Variants in ULK4 observed in about 807,000 individuals in gnomAD.
ULK4 encodes the protein inactive serine/threonine-protein kinase ULK4.
In ULK4, 133 loss-of-function variants were observed where a neutral mutation model predicts 160.6. The observed-to-expected ratio is 0.83, with a 90% CI of 0.72 to 0.96. ULK4 has a LOEUF of 0.96. Among genes scored for constraint, ULK4 ranks in the 40% least tolerant of loss-of-function variants. The pLI is 0.00. For synonymous variants in ULK4, 534 were observed against 539.8 expected (o/e 0.99, Z 0.15); for missense variants, 1,580 against 1,499.5 (o/e 1.05, Z -0.89).
chr3:41,931,455 A>C (rs1231756887), intron 5 of ULK4, among the ~76,000 whole-genome samples: 3 of 129,284 alleles, frequency 2.3e-5, no homozygotes, highest in African/African-American at 8.6e-5. Context: ...TGTTCTGCAC[A>C]TGTACCCTAG....
chr3:41,900,699 TCAGTTGTTAGAGTGTCTTTCTG>T lies in ULK4; in HGVS notation c.1287+4_1287+25del. 6.4e-7 allele frequency: 1 copy of T among 1,563,092 alleles called. No homozygotes were observed. Among genetic ancestry groups the T allele is most frequent in the South Asian group, 1.1e-5 (1 of 89,120 alleles). ...TTCAGATCTCAGTAAAGTCTACAAC[TCAGTTGTTAGAGTGTCTTTCTG>T]CACCTTTGGATTGTCGATAATGGGG... On this transcript the variant is annotated splice_donor_5th_base_variant and intron_variant, in intron 13 of 36. Coordinates refer to ENST00000301831, the MANE Select transcript of ULK4 (RefSeq NM_017886.4).
chr3:41,745,555 A>C (rs2038392915), intron 22 of ULK4, among the ~76,000 whole-genome samples: 1 of 151,710 alleles, frequency 6.6e-6, no homozygotes, highest in South Asian at 2.1e-4. Flanking sequence ...TTCACTAGAG[A>C]ATTCTACAAA....
chr3:41,715,583 C>G lies in ULK4; in HGVS notation c.2456-15G>C. 6.2e-7 allele frequency: 1 copy of G among 1,613,968 alleles called. No individual in the cohort carries two copies. Among genetic ancestry groups the G allele is most frequent in the Non-Finnish European group, 8.5e-7 (1 of 1,179,986 alleles). The stretch of plus-strand genomic sequence containing the variant: ...AAGAATGTCACCTGTGAAGCACAGC[C>G]CAGAGCATATGTGGAGGTTAAAAAC... On this transcript the variant is annotated splice_polypyrimidine_tract_variant and intron_variant, in intron 23 of 36. Transcript: ENST00000301831.
At chr3:41,878,537 T>C (rs566820821) in intron 17 of ULK4, among the ~76,000 whole-genome samples, 3 of 152,194 alleles carry the variant, frequency 2.0e-5, no homozygotes, top group Non-Finnish European at 4.4e-5. Flanking sequence ...GATAACCAAA[T>C]AGTTGATCAG....
At chr3:41,864,515 G>A (rs1336186715) in intron 17 of ULK4, among the ~76,000 whole-genome samples, 1 of 152,084 alleles carries the variant, frequency 6.6e-6, no homozygotes, top group Non-Finnish European at 1.5e-5. Flanking sequence ...TTGCAGGAGG[G>A]ATGATAGGTG....
chr3:41,946,525 C>A (rs1397625119), intron 2 of ULK4, among the ~76,000 whole-genome samples: 1 of 152,134 alleles, frequency 6.6e-6, no homozygotes, highest in African/African-American at 2.4e-5. Flanking sequence ...GCCTTAAGAC[C>A]CCAAAGATCC....
intron 21 of ULK4, among the ~76,000 whole-genome samples, chr3:41,760,224 C>T (rs1296801553): frequency 3.3e-5 from 5 of 152,040 alleles, no homozygotes; most frequent in Non-Finnish European, 5.9e-5. Flanking sequence ...TAAAATCATA[C>T]TGAGATATAA....
At chr3:41,666,190 A>G (rs1314998346) in intron 29 of ULK4, among the ~76,000 whole-genome samples, 1 of 152,188 alleles carries the variant, frequency 6.6e-6, no homozygotes, top group Non-Finnish European at 1.5e-5. Flanking sequence ...CACTTGTGGA[A>G]CTGACCTTAG....
intron 32 of ULK4, among the ~76,000 whole-genome samples, chr3:41,557,310 T>C (rs750395023): frequency 6.6e-6 from 1 of 151,962 alleles, no homozygotes; most frequent in Non-Finnish European, 1.5e-5. Context: ...AGGGGAAAAG[T>C]AGCATCATAA....
intron 32 of ULK4, among the ~76,000 whole-genome samples, chr3:41,548,943 C>T (rs1052155214): frequency 6.6e-6 from 1 of 152,152 alleles, no homozygotes; most frequent in African/African-American, 2.4e-5. Context: ...ATGCTGACTG[C>T]AGCCAAAGAA....
At chr3:41,730,488 C>CAACT in intron 22 of ULK4, among the ~76,000 whole-genome samples, 2 of 152,138 alleles carry the variant, frequency 1.3e-5, no homozygotes, top group Middle Eastern at 6.8e-3. Flanking sequence ...CTATTATGAA[C>CAACT]AACTATACAC....
At chr3:41,814,162 G>A (rs2040897560) in intron 19 of ULK4, among the ~76,000 whole-genome samples, 1 of 152,182 alleles carries the variant, frequency 6.6e-6, no homozygotes, top group South Asian at 2.1e-4. Context: ...TTTGACATGT[G>A]AGAACTGATG....
chr3:41,558,388 T>A (rs549575418), intron 32 of ULK4, among the ~76,000 whole-genome samples: 1 of 152,064 alleles, frequency 6.6e-6, no homozygotes, highest in Non-Finnish European at 1.5e-5. Flanking sequence ...ATTACCAGCA[T>A]TGAAATATAA....
At chr3:41,952,028 C>T (rs1478547160) in intron 2 of ULK4, among the ~76,000 whole-genome samples, 2 of 152,118 alleles carry the variant, frequency 1.3e-5, no homozygotes, top group African/African-American at 2.4e-5. Flanking sequence ...GAGACATTTA[C>T]GGAACACCAC....
chr3:41,747,966 C>G (rs2038474350), intron 22 of ULK4, among the ~76,000 whole-genome samples: 1 of 152,054 alleles, frequency 6.6e-6, no homozygotes, highest in South Asian at 2.1e-4. Flanking sequence ...CTATGAAATA[C>G]ATACTTTCTT....
chr3:41,694,281 T>C (rs140180411), intron 27 of ULK4, among the ~76,000 whole-genome samples: 133 of 152,318 alleles, frequency 8.7e-4, no homozygotes, highest in African/African-American at 3.0e-3. Context: ...TAAGTACGTA[T>C]AGCCGTCCCT....
At chr3:41,732,966 A>T (rs898364149) in intron 22 of ULK4, among the ~76,000 whole-genome samples, 1 of 152,094 alleles carries the variant, frequency 6.6e-6, no homozygotes, top group African/African-American at 2.4e-5. Flanking sequence ...AAGGGCAGGG[A>T]GAGGGGGAGG....
At chr3:41,352,345 C>T (rs1458817296) in intron 35 of ULK4, among the ~76,000 whole-genome samples, 1 of 152,182 alleles carries the variant, frequency 6.6e-6, no homozygotes, top group Non-Finnish European at 1.5e-5. Context: ...CGGCTTCCCC[C>T]TCCTTTATCT....
At chr3:41,334,800 TAGC>T (rs2080520833) in intron 35 of ULK4, among the ~76,000 whole-genome samples, 1 of 152,222 alleles carries the variant, frequency 6.6e-6, no homozygotes, top group South Asian at 2.1e-4. Context: ...TAACCACAAA[TAGC>T]AAAGTAAGTT....
Sources: allele counts gnomAD v4.1 joint callset (sites outside exome capture counted in the v4.1 genomes callset), GRCh38; gene constraint gnomAD v4.1.1; transcripts MANE v1.5; gene names NCBI Gene and HGNC (gene_info 2026-07-23, HGNC 2026-07-21).